Variants in TNKS observed in about 807,000 individuals in gnomAD.
TNKS encodes poly [ADP-ribose] polymerase tankyrase-1.
Under a neutral mutation model 135.8 loss-of-function variants are expected in TNKS, and 72 were observed. That is an observed-to-expected ratio of 0.53 (90% confidence interval 0.44 to 0.64). The LOEUF is 0.64. Among genes scored for constraint, TNKS ranks in the 30% least tolerant of loss-of-function variants. The pLI is 0.00. For missense variants in TNKS, 1,769 were observed against 1,674.0 expected, an observed-to-expected ratio of 1.06 and a Z score of -0.99; for synonymous variants, 849 against 649.3, an observed-to-expected ratio of 1.31 and a Z score of -4.68.
chr8:9,627,983 C>T (rs1800129176), intron 3 of TNKS, among the ~76,000 whole-genome samples: 1 of 152,196 alleles, frequency 6.6e-6, no homozygotes, highest in South Asian at 2.1e-4. Flanking sequence ...TTTCCTTCTT[C>T]ATTCAATGGA....
At chr8:9,667,039 G>A (rs936360022) in intron 3 of TNKS, among the ~76,000 whole-genome samples, 9 of 152,226 alleles carry the variant, frequency 5.9e-5, no homozygotes, top group Middle Eastern at 3.4e-3. Flanking sequence ...CGATTTTTAT[G>A]GTAGCAGTAT....
Position 9,771,448 on chromosome 8 carries a change from AGAGAGAGAAGAAGGGAGG to A in TNKS, c.3897+1193_3897+1210del, listed in dbSNP as rs1458554192. ...GAAGGGAGGGACAGAGGAAAGGAAA[AGAGAGAGAAGAAGGGAGG>A]GAGAGAAGAAGGAAGGGGGAAAGAG... On this transcript the variant is annotated intron_variant, in intron 26 of 26. Coordinates refer to ENST00000310430, the MANE Select transcript of TNKS (RefSeq NM_003747.3). 2.7e-3 allele frequency among the ~76,000 whole-genome samples: 224 copies of A among 81,866 alleles called. 1 individual carries two copies. Among genetic ancestry groups the A allele is most frequent in the African/African-American group, 9.4e-3 (215 of 22,944 alleles). The allele number at this position is 81,866 out of a possible 152,430, so 53.7% of individuals were successfully genotyped here. A position where few individuals can be genotyped will look rare whatever the true frequency, so the allele number is the denominator to read the frequency against.
intron 25 of TNKS, among the ~76,000 whole-genome samples, chr8:9,767,535 T>A (rs140256524): frequency 2.3e-4 from 35 of 152,334 alleles, no homozygotes; most frequent in African/African-American, 7.2e-4. Context: ...CTTGAAATTG[T>A]GATTATTGAC....
chr8:9,693,188 AC>A, intron 5 of TNKS, among the ~76,000 whole-genome samples: 1 of 152,360 alleles, frequency 6.6e-6, no homozygotes, highest in African/African-American at 2.4e-5. Context: ...CAAAAGTAGA[AC>A]ATTACTAAAT....
Position 9,569,160 on chromosome 8 carries a change from T to A in TNKS, c.674-10999T>A, listed in dbSNP as rs77492181. On this transcript the variant is annotated intron_variant, in intron 1 of 26. Transcript: ENST00000310430. Reference sequence around the variant, plus strand: ...CTAGTATTTCCTTGAAAGCTCAGATTTTATCATTGGGAACAAATACCGTTT... The same window carrying A: ...CTAGTATTTCCTTGAAAGCTCAGATATTATCATTGGGAACAAATACCGTTT... Among the ~76,000 whole-genome samples, 1,368 of 152,302 alleles carry A rather than the reference T, an allele frequency of 9.0e-3. 16 individuals carry two copies. The highest frequency in any genetic ancestry group is 0.031 in the African/African-American group (1,299 of 41,554).
At chr8:9,751,361 C>G (rs972880645) in intron 18 of TNKS, among the ~76,000 whole-genome samples, 4 of 152,060 alleles carry the variant, frequency 2.6e-5, no homozygotes, top group South Asian at 2.1e-4. Flanking sequence ...ACAGTTAACA[C>G]TGAAAGTGCT....
intron 3 of TNKS, among the ~76,000 whole-genome samples, chr8:9,630,227 G>A (rs1800236014): frequency 6.6e-6 from 1 of 151,342 alleles, no homozygotes; most frequent in African/African-American, 2.4e-5. Flanking sequence ...TCATTGTTAT[G>A]GTTCCCGCAC....
At chr8:9,594,826 C>A (rs1350646510) in intron 2 of TNKS, among the ~76,000 whole-genome samples, 1 of 152,066 alleles carries the variant, frequency 6.6e-6, no homozygotes, top group Non-Finnish European at 1.5e-5. Context: ...AGGATAAATT[C>A]CTGGAAAGCC....
intron 2 of TNKS, among the ~76,000 whole-genome samples, chr8:9,604,892 C>T (rs577449214): frequency 5.9e-4 from 89 of 151,838 alleles, no homozygotes; most frequent in African/African-American, 2.1e-3. Flanking sequence ...TTCAGTACTT[C>T]AGTCTTGGAA....
chr8:9,707,755 A>T (rs1216434568), intron 8 of TNKS, among the ~76,000 whole-genome samples: 1 of 152,160 alleles, frequency 6.6e-6, no homozygotes, highest in Non-Finnish European at 1.5e-5. Context: ...TAAGCTATTA[A>T]TTGTTCTTTG....
intron 6 of TNKS, among the ~76,000 whole-genome samples, chr8:9,705,018 T>C (rs1425882629): frequency 6.6e-6 from 1 of 152,188 alleles, no homozygotes; most frequent in Non-Finnish European, 1.5e-5. Flanking sequence ...GCAGTTAGGG[T>C]TTTTCAACTC....
intron 1 of TNKS, among the ~76,000 whole-genome samples, chr8:9,564,791 G>A (rs1207866847): frequency 6.6e-6 from 1 of 152,216 alleles, no homozygotes; most frequent in Non-Finnish European, 1.5e-5. Context: ...AATAGGATTA[G>A]TTAAGATAAG....
In TNKS at chr8:9,752,561, A is replaced by C; in HGVS notation, c.3088A>C (p.Asn1030His). 1 of 1,612,922 alleles carries C rather than the reference A, an allele frequency of 6.2e-7. No homozygotes were observed. The highest frequency in any genetic ancestry group is 8.5e-7 in the Non-Finnish European group (1 of 1,179,378). The change falls in exon 20 of 27, where the codon AAT becomes CAT. Residue 1030 changes from asparagine to histidine, a missense_variant. Coordinates refer to ENST00000310430, the MANE Select transcript of TNKS (RefSeq NM_003747.3). ...TGTTTTAGTTGCTGGTCTTGACATG[A>C]ATATCAGCCAATTTCTAAAAAGCCT... ...KEGEVAGLDMNISQFLKSLGL... is the reference protein window; with the variant it reads ...KEGEVAGLDMHISQFLKSLGL...
At chr8:9,571,674 T>C (rs538135578) in intron 1 of TNKS, among the ~76,000 whole-genome samples, 1 of 152,218 alleles carries the variant, frequency 6.6e-6, no homozygotes, top group African/African-American at 2.4e-5. Context: ...AGCTGGGATG[T>C]TCTCGATCTC....
At chr8:9,699,374 G>C (rs1803687652) in intron 5 of TNKS, among the ~76,000 whole-genome samples, 1 of 152,110 alleles carries the variant, frequency 6.6e-6, no homozygotes, top group Non-Finnish European at 1.5e-5. Context: ...GACAGCATTT[G>C]GTAAATAGCA....
rs114256231 is a variant in TNKS, at chr8:9,578,613, A to G, written c.674-1546A>G. 3.9e-3 allele frequency among the ~76,000 whole-genome samples: 596 copies of G among 152,358 alleles called. 5 individuals carry two copies. Among genetic ancestry groups the G allele is most frequent in the African/African-American group, 0.013 (554 of 41,596 alleles). On this transcript the variant is annotated intron_variant, in intron 1 of 26. Coordinates refer to ENST00000310430, the MANE Select transcript of TNKS (RefSeq NM_003747.3). Reference sequence around the variant, plus strand: ...GAATGAATGAATTTCTATAGATAGCATGGAAGACATATCTTGAGATAAATT... The same window carrying G: ...GAATGAATGAATTTCTATAGATAGCGTGGAAGACATATCTTGAGATAAATT...
chr8:9,770,210 C>A lies in TNKS; in HGVS notation c.3845C>A (p.Pro1282Gln). The change falls in exon 26 of 27, where the codon CCG (proline) becomes CAG (glutamine). Residue 1282 changes from proline to glutamine, a missense_variant. Coordinates refer to ENST00000310430, the MANE Select transcript of TNKS (RefSeq NM_003747.3). ...PPGHHSVIGR[P>Q]SVNGLAYAEY... ...GGGCACCACTCAGTCATTGGTAGAC[C>A]GAGCGTCAATGGGCTGGCATATGCT... 6.2e-7 allele frequency: 1 copy of A among 1,613,302 alleles called. No individual in the cohort carries two copies. The highest frequency in any genetic ancestry group is 8.5e-7 in the Non-Finnish European group (1 of 1,179,912).
intron 3 of TNKS, among the ~76,000 whole-genome samples, chr8:9,672,698 AC>A (rs1802344320): frequency 1.6e-5 from 2 of 125,430 alleles, no homozygotes; most frequent in African/African-American, 2.9e-5. Context: ...ACACACACAC[AC>A]ACACACACAC....
At chr8:9,706,533 TTA>T (rs558985797) in intron 7 of TNKS, among the ~76,000 whole-genome samples, 161 of 152,330 alleles carry the variant, frequency 1.1e-3, no homozygotes, top group African/African-American at 3.6e-3. Context: ...CAGCTAATTT[TTA>T]TGTTTTTTGT....
Sources: allele counts gnomAD v4.1 joint callset (sites outside exome capture counted in the v4.1 genomes callset), GRCh38; gene constraint gnomAD v4.1.1; transcripts MANE v1.5; gene names NCBI Gene and HGNC (gene_info 2026-07-23, HGNC 2026-07-21).